Variants in PCDHA11 observed in about 807,000 individuals in gnomAD.
PCDHA11 encodes the protein protocadherin alpha 11.
PCDHA11 carries 61 observed loss-of-function variants against 70.3 expected under a neutral mutation model. That is an observed-to-expected ratio of 0.87 (90% CI 0.71 to 1.07). PCDHA11 has a LOEUF of 1.07. Ranked by LOEUF, PCDHA11 falls within the 50% of genes least tolerant of loss-of-function variation. The pLI is 0.00. For missense variants in PCDHA11, 1,324 were observed against 1,237.5 expected (o/e 1.07, Z -1.05); for synonymous variants, 633 against 555.1 (o/e 1.14, Z -1.97).
At chr5:140,904,957 A>G (rs2071509370) in intron 1 of PCDHA11, among the ~76,000 whole-genome samples, 1 of 152,156 alleles carries the variant, frequency 6.6e-6, no homozygotes, top group African/African-American at 2.4e-5. Flanking sequence ...TGTCTGATGC[A>G]GAATTTGTGA....
chr5:140,965,591 C>T (rs1440117062), intron 1 of PCDHA11, among the ~76,000 whole-genome samples: 1 of 151,692 alleles, frequency 6.6e-6, no homozygotes, highest in Non-Finnish European at 1.5e-5. Context: ...AATGGTTTTG[C>T]AGACTCTTGA....
chr5:140,899,672 T>C (rs1280165974), intron 1 of PCDHA11, among the ~76,000 whole-genome samples: 1 of 152,218 alleles, frequency 6.6e-6, no homozygotes, highest in Non-Finnish European at 1.5e-5. Flanking sequence ...CCGGCTTTGG[T>C]ATCAGGATGA....
chr5:141,003,589 A>G (rs781995684), intron 3 of PCDHA11, among the ~76,000 whole-genome samples: 9 of 152,170 alleles, frequency 5.9e-5, no homozygotes, highest in Non-Finnish European at 1.3e-4. Context: ...CTGGGATTTT[A>G]GATGTGAGCC....
At chr5:140,982,823 G>A (rs1187029355) in intron 3 of PCDHA11, among the ~76,000 whole-genome samples, 2 of 151,450 alleles carry the variant, frequency 1.3e-5, no homozygotes, top group South Asian at 2.1e-4. Context: ...GAAGTTTTTG[G>A]GGTTTGTTTG....
intron 3 of PCDHA11, among the ~76,000 whole-genome samples, chr5:141,006,294 C>T (rs2098266534): frequency 6.6e-6 from 1 of 152,048 alleles, no homozygotes; most frequent in African/African-American, 2.4e-5. Flanking sequence ...TCACTGCAAG[C>T]TCCACTTCCC....
intron 1 of PCDHA11, chr5:140,877,946 C>A: frequency 7.4e-7 from 1 of 1,349,556 alleles, no homozygotes; most frequent in Non-Finnish European, 9.7e-7. Flanking sequence ...TTTAAACTAT[C>A]GAATGTCTCA....
chr5:140,891,096 T>A (rs926770209), intron 1 of PCDHA11, among the ~76,000 whole-genome samples: 1 of 152,210 alleles, frequency 6.6e-6, no homozygotes, highest in African/African-American at 2.4e-5. Context: ...ATTGTTGCTG[T>A]CAAGAATTTA....
chr5:140,938,973 G>A (rs112209995), intron 1 of PCDHA11, among the ~76,000 whole-genome samples: 3 of 152,224 alleles, frequency 2.0e-5, no homozygotes, highest in East Asian at 1.9e-4. Context: ...TTGGCATCAA[G>A]GCTATCCTGG....
intron 1 of PCDHA11, among the ~76,000 whole-genome samples, chr5:140,937,289 G>A (rs1252675615): frequency 6.6e-5 from 10 of 151,862 alleles, no homozygotes; most frequent in African/African-American, 9.7e-5. Flanking sequence ...CACCCGCTTC[G>A]GCCTCCCAAA....
At chr5:140,924,911 TAAAATA>T (rs1563069196) in intron 1 of PCDHA11, among the ~76,000 whole-genome samples, 7 of 59,704 alleles carry the variant, frequency 1.2e-4, no homozygotes, top group Non-Finnish European at 2.5e-4. Flanking sequence ...AAAAATAAAA[TAAAATA>T]AAATAAAATA....
rs1235290760 is a variant in PCDHA11 at position 140,870,875 on chromosome 5, C to T, written c.1772C>T (p.Ala591Val). The change falls in exon 1 of 4, where the codon GCG (alanine) becomes GTG (valine). Residue 591 changes from alanine to valine, a missense_variant. Coordinates refer to ENST00000398640, the MANE Select transcript of PCDHA11 (RefSeq NM_018902.5). Reference sequence around the variant, plus strand: ...TCGGTGGGTGCGGGCCACGTGGTGGCGAAGGTGCGCGCAGTGGATGCGGAC... The same window carrying T: ...TCGGTGGGTGCGGGCCACGTGGTGGTGAAGGTGCGCGCAGTGGATGCGGAC... ...PRSVGAGHVV[A>V]KVRAVDADSG... 3.7e-6 allele frequency: 6 copies of T among 1,613,912 alleles called. No individual in the cohort carries two copies. Among genetic ancestry groups the T allele is most frequent in the Non-Finnish European group, 5.1e-6 (6 of 1,179,908 alleles).
intron 1 of PCDHA11, among the ~76,000 whole-genome samples, chr5:140,900,374 T>TCAAGAA (rs1554189115): frequency 1.3e-5 from 2 of 151,622 alleles, no homozygotes; most frequent in Non-Finnish European, 2.9e-5. Flanking sequence ...GCCTCCTGGG[T>TCAAGAA]TCAAGCGATT....
chr5:140,871,482 T>C lies in PCDHA11; in HGVS notation c.2379T>C (p.Asn793=), dbSNP rs535779359. 6.3e-7 allele frequency: 1 copy of C among 1,595,438 alleles called. No individual in the cohort carries two copies. ...EEGERQEPGS[N]HPGQPRQPNP... is the part of the protein sequence containing the mutation. ...GGGAAAGACAGGAGCCAGGGTCAAA[T>C]CACCCCGGACAGGTGAGTTTTCTAC... The change falls in exon 1 of 4, where the codon AAT becomes AAC. Residue 793 remains asparagine, a synonymous_variant. Transcript: ENST00000398640.
chr5:140,884,092 G>A (rs1443036011), intron 1 of PCDHA11: 17 of 1,613,438 alleles, frequency 1.1e-5, no homozygotes, highest in Non-Finnish European at 1.4e-5. Flanking sequence ...CGTGGCTTTC[G>A]TATGAATTGC....
rs781889029 is a variant in PCDHA11 at position 140,870,331 on chromosome 5, AGCGCCCTGGACC to A, written c.1232_1243del (p.Ala411_Arg414del). The A allele has an allele frequency of 4.3e-6, 7 of 1,614,160 alleles. No homozygotes were observed. The South Asian group carries it at 7.7e-5, about 18-fold the overall frequency. Reference sequence around the variant, plus strand: ...GAATTACTACTCGTTGGTGCTGGACAGCGCCCTGGACCGCGAGAACGTGTGGGCCTATGAACT... The same window carrying A: ...GAATTACTACTCGTTGGTGCTGGACAGCGAGAACGTGTGGGCCTATGAACT... On this transcript the variant is annotated inframe_deletion, in exon 1 of 4. Coordinates refer to ENST00000398640, the MANE Select transcript of PCDHA11 (RefSeq NM_018902.5).
intron 1 of PCDHA11, among the ~76,000 whole-genome samples, chr5:140,943,307 T>C (rs1554215574): frequency 6.7e-6 from 1 of 149,570 alleles, no homozygotes; most frequent in Non-Finnish European, 1.5e-5. Flanking sequence ...TGGGAAGTCA[T>C]TATTAGCAAT....
intron 1 of PCDHA11, among the ~76,000 whole-genome samples, chr5:140,952,912 C>A (rs1554220675): frequency 6.6e-6 from 1 of 152,042 alleles, no homozygotes; most frequent in East Asian, 1.9e-4. Flanking sequence ...GCTCATCTTA[C>A]ATGGCATGAG....
At chr5:140,953,118 A>G (rs2094850559) in intron 1 of PCDHA11, among the ~76,000 whole-genome samples, 1 of 152,162 alleles carries the variant, frequency 6.6e-6, no homozygotes, top group Non-Finnish European at 1.5e-5. Context: ...AGGGACACAG[A>G]TCTAAACCGT....
chr5:140,985,298 C>T (rs770798262), intron 3 of PCDHA11, among the ~76,000 whole-genome samples: 1 of 152,124 alleles, frequency 6.6e-6, no homozygotes, highest in Non-Finnish European at 1.5e-5. Context: ...ATAGTGTTGG[C>T]TGATAGCCTG....
Sources: gnomAD v4.1 joint callset for allele counts (sites outside exome capture counted in the v4.1 genomes callset) on GRCh38, gnomAD v4.1.1 for gene constraint, MANE v1.5 for transcripts, NCBI Gene and HGNC (gene_info 2026-07-23, HGNC 2026-07-21) for gene names.